TRAPPC12: variants seen among roughly 807,000 people sequenced by gnomAD.
TRAPPC12 encodes the protein trafficking protein particle complex subunit 12.
A neutral mutation model predicts 69.2 loss-of-function variants in TRAPPC12; 61 were observed. The ratio of observed to expected loss-of-function variants is 0.88; its 90% CI spans 0.72 to 1.09. The LOEUF is 1.09. TRAPPC12 is among the 50% of genes least tolerant of loss of function. The pLI, the probability that TRAPPC12 is intolerant of heterozygous loss-of-function variation, is 0.00. For synonymous variants in TRAPPC12, 469 were observed against 438.9 expected, an observed-to-expected ratio of 1.07 and a Z score of -0.86; for missense variants, 1,101 against 1,016.4, an observed-to-expected ratio of 1.08 and a Z score of -1.13.
At chr2:3,394,606 G>A (rs939063076) in intron 2 of TRAPPC12, among the ~76,000 whole-genome samples, 5 of 151,300 alleles carry the variant, frequency 3.3e-5, no homozygotes, top group South Asian at 2.1e-4. Context: ...GCGCAACAGA[G>A]CAGCACTTTG....
At chr2:3,432,480 C>G (rs1215150159) in intron 5 of TRAPPC12, among the ~76,000 whole-genome samples, 1 of 152,160 alleles carries the variant, frequency 6.6e-6, no homozygotes, top group Admixed American at 6.5e-5. Flanking sequence ...AACACATAAC[C>G]ATATGTGATA....
Position 3,461,607 on chromosome 2 carries a change from C to T in TRAPPC12, c.1677+1271C>T, listed in dbSNP as rs149184560. Among the ~76,000 whole-genome samples, 289 of 152,314 alleles carry T rather than the reference C, an allele frequency of 1.9e-3. 1 individual carries two copies. Among genetic ancestry groups the T allele is most frequent in the African/African-American group, 6.4e-3 (264 of 41,560 alleles). On this transcript the variant is annotated intron_variant, in intron 8 of 11. Transcript: ENST00000324266. ...TCAACACACTGGATAAAGGAAATTA[C>T]GGTTTTCAAGTTCTGTGGTTTTGCT...
At position 3,465,569 on chromosome 2, in the gene TRAPPC12, A is replaced by G. The variant is rs367760418; in HGVS notation, c.1678-28A>G. ...AACCCACAGTGCTGTTCTCAGCTCT[A>G]AAGTACGTTGGGTTTTTCTTCCCAC... On this transcript the variant is annotated intron_variant, in intron 8 of 11. Transcript: ENST00000324266. The G allele has an allele frequency of 1.6e-5, 24 of 1,520,634 alleles. No homozygotes were observed. The African/African-American group carries it at 2.5e-4, about 16-fold the overall frequency. The allele number at this position is 1,520,634 out of a possible 1,614,324, so 94.2% of individuals were successfully genotyped here.
intron 2 of TRAPPC12, among the ~76,000 whole-genome samples, chr2:3,394,946 T>A (rs1240761094): frequency 6.6e-6 from 1 of 152,206 alleles, no homozygotes; most frequent in East Asian, 1.9e-4. Context: ...TCACACTCTA[T>A]CCTGTTATTA....
rs180732436 is a variant in TRAPPC12 at position 3,426,921 on chromosome 2, T to G, written c.1417+2258T>G. 7.0e-4 allele frequency among the ~76,000 whole-genome samples: 106 copies of G among 152,370 alleles called. 1 individual carries two copies. The Middle Eastern group carries it at 0.01, about 15-fold the overall frequency. On this transcript the variant is annotated intron_variant, in intron 5 of 11. Coordinates refer to ENST00000324266, the MANE Select transcript of TRAPPC12 (RefSeq NM_016030.6). Reference sequence around the variant, plus strand: ...TACCTTGTAAATTAACTGGGCTCCCTGATTCTGTCGTGTCCCTTTCTTGTC... The same window carrying G: ...TACCTTGTAAATTAACTGGGCTCCCGGATTCTGTCGTGTCCCTTTCTTGTC...
chr2:3,458,242 A>C, intron 7 of TRAPPC12: 1 of 987,646 alleles, frequency 1.0e-6, no homozygotes, highest in Admixed American at 5.9e-5. Context: ...TGCCAGCTGC[A>C]GCTCGGGGAG....
chr2:3,453,585 C>T (rs1308524926), intron 6 of TRAPPC12, among the ~76,000 whole-genome samples: 2 of 152,238 alleles, frequency 1.3e-5, no homozygotes, highest in African/African-American at 4.8e-5. Context: ...GCCCCTACTC[C>T]TCAGAGCCTC....
At chr2:3,396,022 G>A (rs1342659234) in intron 2 of TRAPPC12, among the ~76,000 whole-genome samples, 2 of 152,120 alleles carry the variant, frequency 1.3e-5, no homozygotes, top group Non-Finnish European at 2.9e-5. Context: ...GAGCCACCAC[G>A]CCTGGCTAGT....
At chr2:3,385,793 A>G (rs941011836) in intron 1 of TRAPPC12, among the ~76,000 whole-genome samples, 3 of 152,234 alleles carry the variant, frequency 2.0e-5, no homozygotes, top group Admixed American at 6.5e-5. Context: ...AGTGCCTTCA[A>G]GTCCTGCTGG....
intron 2 of TRAPPC12, chr2:3,389,880 G>T (rs1572083944): frequency 2.2e-6 from 1 of 448,128 alleles, no homozygotes; most frequent in East Asian, 7.0e-5. Context: ...GTCTCTCCCA[G>T]TGTGGCTGGC....
At chr2:3,404,065 C>G (rs371677650) in intron 3 of TRAPPC12, among the ~76,000 whole-genome samples, 1 of 152,158 alleles carries the variant, frequency 6.6e-6, no homozygotes, top group Admixed American at 6.5e-5. Flanking sequence ...TTCCTGGGTT[C>G]AGTATGGATT....
In TRAPPC12 at chr2:3,408,986, G is replaced by A. The variant is rs559636304; in HGVS notation, c.1164+7093G>A. On this transcript the variant is annotated intron_variant, in intron 3 of 11. Coordinates refer to ENST00000324266, the MANE Select transcript of TRAPPC12 (RefSeq NM_016030.6). ...GCTGCGGCACAGAGCTATGTGCACC[G>A]TGGCTCCTGAGCCCTGCCCGGCCAG... Among the ~76,000 whole-genome samples the A allele has an allele frequency of 6.6e-4, 100 of 152,308 alleles. 3 individuals are homozygous for A. The highest frequency in any genetic ancestry group is 3.4e-3 in the Middle Eastern group (1 of 292).
intron 9 of TRAPPC12, among the ~76,000 whole-genome samples, chr2:3,473,323 T>C (rs1666146262): frequency 6.6e-6 from 1 of 152,244 alleles, no homozygotes; most frequent in South Asian, 2.1e-4. Context: ...AGATCGCATC[T>C]TTCTTTTATT....
rs146948170 is a variant in TRAPPC12, at chr2:3,451,796, C to G, written c.1531-5825C>G. Among the ~76,000 whole-genome samples, 780 of 152,284 alleles carry G rather than the reference C, an allele frequency of 5.1e-3. 4 individuals carry two copies. Among genetic ancestry groups the G allele is most frequent in the Non-Finnish European group, 8.2e-3 (555 of 68,018 alleles). ...ACCTCAGCTTCCCAAAGTGCTACAG[C>G]TGACTATAAGCGTGAGCCACCATGT... On this transcript the variant is annotated intron_variant, in intron 6 of 11. Transcript: ENST00000324266.
chr2:3,456,095 T>C (rs1020790445), intron 6 of TRAPPC12: 1 of 152,254 alleles, frequency 6.6e-6, no homozygotes, highest in Admixed American at 6.5e-5. Flanking sequence ...TTTTACCTAG[T>C]TTAAACTGGC....
chr2:3,395,729 AT>A (rs374787114), intron 2 of TRAPPC12, among the ~76,000 whole-genome samples: 176 of 137,280 alleles, frequency 1.3e-3, no homozygotes, highest in South Asian at 1.7e-3. Flanking sequence ...CGCCCAGCTA[AT>A]TTTTTTTTTT....
At chr2:3,475,746 A>C (rs1249176724) in intron 9 of TRAPPC12, among the ~76,000 whole-genome samples, 1 of 151,840 alleles carries the variant, frequency 6.6e-6, no homozygotes, top group African/African-American at 2.4e-5. Context: ...TGTTGACCAC[A>C]GTGTTCTGTG....
chr2:3,434,831 G>A (rs1036702809), intron 5 of TRAPPC12, among the ~76,000 whole-genome samples: 5 of 152,188 alleles, frequency 3.3e-5, no homozygotes, highest in South Asian at 4.1e-4. Flanking sequence ...AGGTGGCAGC[G>A]TGAGGGAATA....
intron 3 of TRAPPC12, among the ~76,000 whole-genome samples, chr2:3,405,448 C>T (rs980122686): frequency 1.7e-5 from 2 of 118,556 alleles, no homozygotes; most frequent in East Asian, 5.0e-4. Context: ...ATTTCTGAAC[C>T]GTCGGATCTA....
Sources: allele counts gnomAD v4.1 joint callset (sites outside exome capture counted in the v4.1 genomes callset), GRCh38; gene constraint gnomAD v4.1.1; transcripts MANE v1.5; gene names NCBI Gene and HGNC (gene_info 2026-07-23, HGNC 2026-07-21).